ERCC6L2: variants seen among roughly 807,000 people sequenced by gnomAD.
The protein encoded by ERCC6L2 is DNA excision repair protein ERCC-6-like 2.
Under a neutral mutation model 132.0 loss-of-function variants are expected in ERCC6L2, and 77 were observed. The observed-to-expected ratio is 0.58, with a 90% CI of 0.49 to 0.71. The LOEUF (loss-of-function observed/expected upper bound fraction) is 0.71. Ranked by LOEUF, ERCC6L2 falls within the 30% of genes least tolerant of loss-of-function variation. The pLI is 0.00. For synonymous variants in ERCC6L2, 583 were observed against 632.4 expected (o/e 0.92, Z 1.17); for missense variants, 1,542 against 1,837.6 (o/e 0.84, Z 2.94).
At chr9:95,954,971 A>C (rs1831527088) in intron 12 of ERCC6L2, 1 of 436,044 alleles carries the variant, frequency 2.3e-6, no homozygotes, top group South Asian at 1.7e-5. Flanking sequence ...GTGACCTTAT[A>C]AGTTCAAAGA....
At chr9:95,890,941 G>C (rs1043368288) in intron 2 of ERCC6L2, among the ~76,000 whole-genome samples, 1 of 152,162 alleles carries the variant, frequency 6.6e-6, no homozygotes, top group Non-Finnish European at 1.5e-5. Context: ...ATTAAAAATA[G>C]CTACTGTTTG....
intron 11 of ERCC6L2, chr9:95,929,224 G>A (rs1830232888): frequency 6.1e-6 from 1 of 164,322 alleles, no homozygotes; most frequent in South Asian, 1.6e-4. Context: ...TTCCCACTGT[G>A]TCAGGGAGCC....
At chr9:95,917,297 A>T (rs1037865040) in intron 6 of ERCC6L2, among the ~76,000 whole-genome samples, 1 of 152,224 alleles carries the variant, frequency 6.6e-6, no homozygotes. Flanking sequence ...TTAAAAAAAT[A>T]TAGTAGTCTT....
intron 16 of ERCC6L2, among the ~76,000 whole-genome samples, chr9:95,975,173 C>T (rs778621549): frequency 6.6e-6 from 1 of 152,058 alleles, no homozygotes; most frequent in Non-Finnish European, 1.5e-5. Context: ...ATACTACTCC[C>T]CTCTTAGACT....
At chr9:95,984,042 A>G (rs1186275589) in intron 17 of ERCC6L2, among the ~76,000 whole-genome samples, 1 of 151,762 alleles carries the variant, frequency 6.6e-6, no homozygotes, top group Non-Finnish European at 1.5e-5. Context: ...CAGTTACACA[A>G]AAACCTCACA....
chr9:95,998,257 C>A (rs187615670), intron 17 of ERCC6L2, among the ~76,000 whole-genome samples: 57 of 152,174 alleles, frequency 3.7e-4, no homozygotes, highest in African/African-American at 1.3e-3. Flanking sequence ...TTTGGAGGGT[C>A]GGTGGACCCA....
intron 3 of ERCC6L2, among the ~76,000 whole-genome samples, chr9:95,903,388 A>C (rs1175950344): frequency 6.6e-6 from 1 of 152,048 alleles, no homozygotes; most frequent in African/African-American, 2.4e-5. Flanking sequence ...GTTACTCCTC[A>C]AGTTTTCTCA....
intron 1 of ERCC6L2, 160 bp downstream of exon 1, chr9:95,876,244 A>C (rs1827261121): frequency 1.6e-6 from 1 of 612,804 alleles, no homozygotes; most frequent in African/African-American, 1.9e-5. Flanking sequence ...CAAATCTCCG[A>C]TTCAGTGTTG....
At chr9:95,881,430 T>C in intron 2 of ERCC6L2, 137 bp downstream of exon 2, 1 of 593,698 alleles carries the variant, frequency 1.7e-6, no homozygotes. Context: ...TCTCACTAAC[T>C]AGATAGTGAA....
chr9:95,972,170 G>A lies in ERCC6L2; in HGVS notation c.2419G>A (p.Glu807Lys). Residue 807 changes from glutamate to lysine, a missense_variant, in exon 16 of 19, where the codon GAG (glutamate) becomes AAG (lysine). Glu to Lys is a moderately conservative substitution (Grantham distance 56). Around this residue, in one of 4 missense-constraint regions of ERCC6L2, gnomAD observed 945 missense variants for 1,105.2 expected, o/e 0.86. Transcript: ENST00000653738. ...GCTTGAAACAAAATGTAAAGCAGTT[G>A]AGGATAGTGATGGAAATACTGCCTC... is the stretch of plus-strand genomic sequence containing the variant. ...KLLETKCKAVEDSDGNTASDD... is the reference protein window; with the variant it reads ...KLLETKCKAVKDSDGNTASDD... 1 of 1,304,240 alleles carries A rather than the reference G, an allele frequency of 7.7e-7. No homozygotes were observed. Among genetic ancestry groups the A allele is most frequent in the Non-Finnish European group, 1.0e-6 (1 of 988,944 alleles). 80.8% of individuals were successfully genotyped at this position (1,304,240 alleles called of 1,614,324 possible). A position where few individuals can be genotyped will look rare whatever the true frequency, so the allele number is the denominator to read the frequency against.
intron 2 of ERCC6L2, among the ~76,000 whole-genome samples, chr9:95,883,899 A>G (rs1827729656): frequency 1.3e-5 from 2 of 152,212 alleles, no homozygotes; most frequent in African/African-American, 2.4e-5. Context: ...ACATACAAAA[A>G]GTGATCTGTT....
chr9:95,879,281 A>G (rs971931308), intron 1 of ERCC6L2, among the ~76,000 whole-genome samples: 2 of 152,240 alleles, frequency 1.3e-5, no homozygotes, highest in Non-Finnish European at 2.9e-5. Context: ...CAGGAAGACT[A>G]TTAGTCACCA....
chr9:95,986,252 A>G (rs966134757), intron 17 of ERCC6L2, among the ~76,000 whole-genome samples: 14 of 152,210 alleles, frequency 9.2e-5, no homozygotes, highest in Non-Finnish European at 1.6e-4. Flanking sequence ...CTATATAGTA[A>G]GTCACTAAAC....
At chr9:95,877,456 T>G (rs1454858450) in intron 1 of ERCC6L2, among the ~76,000 whole-genome samples, 2 of 152,138 alleles carry the variant, frequency 1.3e-5, no homozygotes, top group Non-Finnish European at 1.5e-5. Flanking sequence ...CCAATGCAGT[T>G]TTTACAGTTA....
At chr9:95,950,594 A>G (rs1051663095) in intron 12 of ERCC6L2, among the ~76,000 whole-genome samples, 11 of 152,210 alleles carry the variant, frequency 7.2e-5, no homozygotes, top group African/African-American at 2.4e-4. Context: ...TATCCATAAG[A>G]GACTCACTTT....
At chr9:95,888,989 C>G (rs1828019786) in intron 2 of ERCC6L2, among the ~76,000 whole-genome samples, 1 of 152,032 alleles carries the variant, frequency 6.6e-6, no homozygotes, top group African/African-American at 2.4e-5. Flanking sequence ...ACTATTTCAA[C>G]TTAAGTTTTT....
intron 11 of ERCC6L2, among the ~76,000 whole-genome samples, chr9:95,939,523 T>G (rs1386296752): frequency 6.6e-6 from 1 of 152,212 alleles, no homozygotes; most frequent in Non-Finnish European, 1.5e-5. Flanking sequence ...TGTTCATATT[T>G]CGTGAATGAT....
chr9:96,027,349 G>A (rs1834392582), intron 19 of ERCC6L2, among the ~76,000 whole-genome samples: 1 of 152,234 alleles, frequency 6.6e-6, no homozygotes, highest in Non-Finnish European at 1.5e-5. Context: ...AGGCTGAAGT[G>A]GACACAGGAG....
rs374611763 is a variant in ERCC6L2, at chr9:96,013,231, A to T, written c.*28A>T. The T allele has an allele frequency of 3.9e-5, 51 of 1,324,090 alleles. No homozygotes were observed. The highest frequency in any genetic ancestry group is 5.0e-5 in the Non-Finnish European group (50 of 1,003,280). 82.0% of individuals were successfully genotyped at this position (1,324,090 alleles called of 1,614,324 possible). Reference sequence around the variant, plus strand: ...ATATAAATGAATTACTGCACCAGTAAACTGCTGCCATCACTGTTTACGGCA... The same window carrying T: ...ATATAAATGAATTACTGCACCAGTATACTGCTGCCATCACTGTTTACGGCA... On this transcript the variant is annotated 3_prime_UTR_variant, in exon 19 of 19. Coordinates refer to ENST00000653738, the MANE Select transcript of ERCC6L2 (RefSeq NM_020207.7).
Sources: gnomAD v4.1 joint callset for allele counts (sites outside exome capture counted in the v4.1 genomes callset) on GRCh38, gnomAD v4.1.1 for gene constraint, gnomAD v4.1.1 regional missense constraint, MANE v1.5 for transcripts, NCBI Gene and HGNC (gene_info 2026-07-23, HGNC 2026-07-21) for gene names.